The following ADAM22 variants were observed in gnomAD, a reference collection of about 807,000 sequenced individuals.
ADAM22 encodes disintegrin and metalloproteinase domain-containing protein 22.
Under a neutral mutation model 144.6 loss-of-function variants are expected in ADAM22, and 65 were observed. The ratio of observed to expected loss-of-function variants is 0.45; its 90% confidence interval spans 0.37 to 0.55. The LOEUF (loss-of-function observed/expected upper bound fraction) is 0.55. ADAM22 is among the 20% of genes least tolerant of loss of function. ADAM22 has a pLI of 0.00. For synonymous variants in ADAM22, 391 were observed against 412.6 expected, an observed-to-expected ratio of 0.95 and a Z score of 0.63; for missense variants, 974 against 1,184.9, an observed-to-expected ratio of 0.82 and a Z score of 2.61.
chr7:88,136,802 C>T (rs183348935), intron 14 of ADAM22, among the ~76,000 whole-genome samples: 14 of 151,690 alleles, frequency 9.2e-5, no homozygotes, highest in Admixed American at 8.5e-4. Context: ...CCACCTGTTC[C>T]CCCAAAATCT....
At chr7:88,163,230 TAGAC>T (rs769584470) in intron 23 of ADAM22, 50 bp downstream of exon 23, 88 of 1,460,180 alleles carry the variant, frequency 6.0e-5, no homozygotes, top group South Asian at 3.8e-4. Flanking sequence ...ATCACAGAAA[TAGAC>T]AGGACCCTAA....
At chr7:88,009,057 A>G (rs1794721257) in intron 3 of ADAM22, among the ~76,000 whole-genome samples, 1 of 152,170 alleles carries the variant, frequency 6.6e-6, no homozygotes. Flanking sequence ...TCACCCTGTT[A>G]TTAGTAATGC....
chr7:88,168,102 C>A, intron 24 of ADAM22, 35 bp from the exon 25 acceptor site: 1 of 1,574,744 alleles, frequency 6.4e-7, no homozygotes, highest in Non-Finnish European at 8.7e-7. Context: ...GATTTTATAC[C>A]ACTGATCTTC....
intron 31 of ADAM22, among the ~76,000 whole-genome samples, chr7:88,195,584 C>T (rs762927384): frequency 1.3e-5 from 2 of 152,122 alleles, no homozygotes; most frequent in African/African-American, 2.4e-5. Flanking sequence ...GTCGCGATCT[C>T]GGCTCACTGC....
chr7:88,189,578 C>G (rs1254002539), intron 30 of ADAM22, among the ~76,000 whole-genome samples: 1 of 152,182 alleles, frequency 6.6e-6, no homozygotes, highest in African/African-American at 2.4e-5. Flanking sequence ...TGTACCTTTT[C>G]CATTTCACCT....
intron 29 of ADAM22, chr7:88,184,360 CA>C (rs902022461): frequency 6.6e-5 from 29 of 440,862 alleles, no homozygotes; most frequent in Non-Finnish European, 7.3e-5. Flanking sequence ...GGCATAAGCC[CA>C]GGGGGCTCTG....
At chr7:88,186,407 A>G in intron 29 of ADAM22, 1 of 565,700 alleles carries the variant, frequency 1.8e-6, no homozygotes, top group Non-Finnish European at 3.1e-6. Context: ...AATATATTGT[A>G]GAATGCCTTG....
In ADAM22 at chr7:87,934,840, C is replaced by T. The variant is rs567405608; in HGVS notation, c.86-186C>T. On this transcript the variant is annotated intron_variant, in intron 1 of 31. Coordinates refer to ENST00000413139, the MANE Select transcript of ADAM22 (RefSeq NM_001324418.2). ...TCTGGGCCCCGCTCCTGGTTGCTCT[C>T]GGATGAGCTGGTCCAAGGCTCTCGG... 9.3e-5 allele frequency: 75 copies of T among 808,802 alleles called. 1 individual carries two copies. The South Asian group carries it at 1.0e-3, about 11-fold the overall frequency. The allele number at this position is 808,802 out of a possible 1,614,324, so 50.1% of individuals were successfully genotyped here. A position where few individuals can be genotyped will look rare whatever the true frequency, so the allele number is the denominator to read the frequency against.
chr7:88,123,736 T>A (rs1829824073), intron 7 of ADAM22, among the ~76,000 whole-genome samples: 1 of 151,942 alleles, frequency 6.6e-6, no homozygotes. Context: ...ACATAACCAC[T>A]TAAAGCTATG....
chr7:87,996,550 T>A (rs1791279370), intron 3 of ADAM22, among the ~76,000 whole-genome samples: 1 of 152,168 alleles, frequency 6.6e-6, no homozygotes, highest in Non-Finnish European at 1.5e-5. Flanking sequence ...GATTTCCACA[T>A]CTGAATTTGA....
In ADAM22 at chr7:88,132,910, G is replaced by T. The variant is rs746726291; in HGVS notation, c.1036G>T (p.Gly346Cys). Residue 346 changes from glycine (G) to cysteine (C), a missense_variant, in exon 12 of 32, where the codon GGT (glycine) becomes TGT (cysteine). Gly to Cys is a radical substitution (Grantham distance 159, BLOSUM62 -3). Around this residue, in one of 2 missense-constraint regions of ADAM22, gnomAD observed 734 missense variants for 950.6 expected, o/e 0.77. Transcript: ENST00000413139. ...ESSRSGAAYIGGICSLLKGGG... is the reference protein window; with the variant it reads ...ESSRSGAAYICGICSLLKGGG... Reference sequence around the variant, plus strand: ...TAGCCGGAGCGGGGCAGCTTATATTGGTGGGATTTGCTCGTTGCTGAAAGG... The same window carrying T: ...TAGCCGGAGCGGGGCAGCTTATATTTGTGGGATTTGCTCGTTGCTGAAAGG... 1.4e-5 allele frequency: 23 copies of T among 1,613,870 alleles called. No homozygotes were observed. Among genetic ancestry groups the T allele is most frequent in the Non-Finnish European group, 1.9e-5 (23 of 1,179,942 alleles).
At chr7:87,983,250 A>C (rs1029571590) in intron 3 of ADAM22, among the ~76,000 whole-genome samples, 1 of 152,208 alleles carries the variant, frequency 6.6e-6, no homozygotes, top group Non-Finnish European at 1.5e-5. Flanking sequence ...TTATATTTTA[A>C]TTTGGAAAAA....
chr7:88,121,757 T>C (rs1829362290), intron 7 of ADAM22, among the ~76,000 whole-genome samples: 1 of 152,174 alleles, frequency 6.6e-6, no homozygotes, highest in Non-Finnish European at 1.5e-5. Context: ...AGCCACAGTC[T>C]TTTTGTTAAC....
chr7:88,176,719 C>T (rs978785015), intron 26 of ADAM22, among the ~76,000 whole-genome samples: 2 of 152,080 alleles, frequency 1.3e-5, no homozygotes, highest in Non-Finnish European at 2.9e-5. Context: ...AAGTGTAGTT[C>T]AGTGCTCTTG....
chr7:88,008,057 AAAAC>A (rs1317191584), intron 3 of ADAM22, among the ~76,000 whole-genome samples: 1 of 152,240 alleles, frequency 6.6e-6, no homozygotes, highest in Non-Finnish European at 1.5e-5. Context: ...TTACAAGAAA[AAAAC>A]AAACAGCCCC....
At chr7:88,050,880 A>G (rs1251882264) in intron 3 of ADAM22, among the ~76,000 whole-genome samples, 1 of 152,100 alleles carries the variant, frequency 6.6e-6, no homozygotes, top group Non-Finnish European at 1.5e-5. Flanking sequence ...TCCATTTGTC[A>G]ATTTTGGCTT....
At chr7:88,066,012 A>G (rs929106737) in intron 3 of ADAM22, among the ~76,000 whole-genome samples, 4 of 152,164 alleles carry the variant, frequency 2.6e-5, no homozygotes, top group African/African-American at 9.7e-5. Flanking sequence ...TTAGGTACAA[A>G]GAATATTAGA....
intron 22 of ADAM22, among the ~76,000 whole-genome samples, chr7:88,157,956 T>G (rs1422672601): frequency 6.6e-6 from 1 of 151,812 alleles, no homozygotes; most frequent in Non-Finnish European, 1.5e-5. Flanking sequence ...GGCACCAGAG[T>G]GACAAGTTGG....
intron 31 of ADAM22, 123 bp from the exon 32 acceptor site, chr7:88,196,347 CA>C: frequency 8.9e-7 from 1 of 1,124,330 alleles, no homozygotes; most frequent in South Asian, 1.3e-5. Flanking sequence ...TTAGACTTTG[CA>C]AGAGTGTGCA....
Sources: allele counts gnomAD v4.1 joint callset (sites outside exome capture counted in the v4.1 genomes callset), GRCh38; gene constraint gnomAD v4.1.1; regional missense constraint gnomAD v4.1.1; transcripts MANE v1.5; gene names NCBI Gene and HGNC (gene_info 2026-07-23, HGNC 2026-07-21).